The following SLA variants were observed in gnomAD, a reference collection of about 807,000 sequenced individuals.
SLA encodes Src like adaptor.
Under a neutral mutation model 30.3 loss-of-function variants are expected in SLA, and 16 were observed. That is an observed-to-expected ratio of 0.53 (90% CI 0.36 to 0.80). The LOEUF is 0.80. SLA is among the 30% of genes least tolerant of loss of function. The pLI is 0.01. For synonymous variants in SLA, 143 were observed against 137.8 expected (o/e 1.04, Z -0.26); for missense variants, 310 against 345.2 (o/e 0.90, Z 0.81).
chr8:133,072,144 C>G (rs1844152852), intron 2 of SLA, among the ~76,000 whole-genome samples: 1 of 152,182 alleles, frequency 6.6e-6, no homozygotes, highest in Non-Finnish European at 1.5e-5. Flanking sequence ...ATATACACAC[C>G]AAGTCCTCCA....
chr8:133,055,357 G>GCACA (rs1186779364), intron 3 of SLA, among the ~76,000 whole-genome samples: 2 of 59,896 alleles, frequency 3.3e-5, no homozygotes, highest in Admixed American at 1.6e-4. Context: ...ACACACACAC[G>GCACA]CACGCGCGCA....
intron 2 of SLA, chr8:133,073,021 C>T (rs2244718): frequency 0.81 from 123,056 of 152,220 alleles, 49,887 homozygotes; most frequent in African/African-American, 0.85. Flanking sequence ...AGAAATGATA[C>T]CAATAGCTCC....
chr8:133,062,018 C>T (rs532283936), intron 2 of SLA, among the ~76,000 whole-genome samples: 13 of 152,308 alleles, frequency 8.5e-5, no homozygotes, highest in Admixed American at 2.0e-4. Flanking sequence ...AGTAATATTC[C>T]GAAGACAATG....
chr8:133,094,791 G>T, intron 1 of SLA: 2 of 569,310 alleles, frequency 3.5e-6, no homozygotes, highest in Non-Finnish European at 3.2e-6. Flanking sequence ...AAGACTGAAG[G>T]TTCCCTTGTG....
chr8:133,045,517 C>T (rs1839197546), intron 6 of SLA, among the ~76,000 whole-genome samples: 1 of 151,602 alleles, frequency 6.6e-6, no homozygotes, highest in Admixed American at 6.6e-5. Context: ...ACCTCAGCCT[C>T]CAGAGTAGCT....
In SLA at chr8:133,075,167, G is replaced by A. The variant is rs573333621; in HGVS notation, c.-318-37C>T. The A allele has an allele frequency of 5.1e-5, 50 of 976,944 alleles. No individual in the cohort carries two copies. In the Middle Eastern group the frequency reaches 1.6e-3, roughly 31 times the overall value. 60.5% of individuals were successfully genotyped at this position (976,944 alleles called of 1,614,324 possible). On this transcript the variant is annotated intron_variant, in intron 1 of 8. Transcript: ENST00000338087. ...GATGGGTTATTAATTTTTTTACAAA[G>A]CATTTGAGAATATGGCCAGCTTAAC...
At chr8:133,099,639 C>T (rs1848954731) in intron 1 of SLA, among the ~76,000 whole-genome samples, 2 of 152,208 alleles carry the variant, frequency 1.3e-5, no homozygotes, top group African/African-American at 4.8e-5. Context: ...CCATCCCCAA[C>T]CAGCATGTTC....
intron 2 of SLA, among the ~76,000 whole-genome samples, chr8:133,065,396 G>T (rs949910959): frequency 3.9e-5 from 6 of 152,228 alleles, no homozygotes; most frequent in African/African-American, 1.4e-4. Flanking sequence ...CACCAGTGCT[G>T]CCCTGTTTTG....
chr8:133,080,077 T>C (rs1490531438), intron 1 of SLA, among the ~76,000 whole-genome samples: 2 of 152,074 alleles, frequency 1.3e-5, no homozygotes, highest in Non-Finnish European at 2.9e-5. Context: ...ACTGAAGGCA[T>C]GGGGACAGTA....
At chr8:133,087,071 TACACACACACACACACACACAC>T (rs56028043) in intron 1 of SLA, among the ~76,000 whole-genome samples, 46 of 143,128 alleles carry the variant, frequency 3.2e-4, no homozygotes, top group Middle Eastern at 3.6e-3. Context: ...AATATATGTT[TACACACACACACACACACACAC>T]ACACACACAC....
At chr8:133,074,329 T>A (rs527760040) in intron 2 of SLA, among the ~76,000 whole-genome samples, 1 of 152,152 alleles carries the variant, frequency 6.6e-6, no homozygotes. Flanking sequence ...CCTGGCTCCA[T>A]GCACCTTTAG....
intron 1 of SLA, among the ~76,000 whole-genome samples, chr8:133,086,199 G>T (rs1846536098): frequency 6.6e-6 from 1 of 152,204 alleles, no homozygotes; most frequent in Non-Finnish European, 1.5e-5. Flanking sequence ...GCGGCTGGGA[G>T]TGAGGGTGGA....
chr8:133,055,869 G>T (rs1249026112), intron 3 of SLA, among the ~76,000 whole-genome samples: 1 of 144,568 alleles, frequency 6.9e-6, no homozygotes, highest in African/African-American at 2.6e-5. Context: ...AGCAGCAGCA[G>T]CAGGGCGCAC....
intron 1 of SLA, among the ~76,000 whole-genome samples, chr8:133,077,994 G>A (rs1164595766): frequency 6.6e-6 from 1 of 152,188 alleles, no homozygotes; most frequent in Non-Finnish European, 1.5e-5. Flanking sequence ...CACGTGTGAA[G>A]GTTGTTCTTT....
At chr8:133,068,261 A>G (rs1008431152) in intron 2 of SLA, among the ~76,000 whole-genome samples, 2 of 152,200 alleles carry the variant, frequency 1.3e-5, no homozygotes, top group African/African-American at 4.8e-5. Context: ...CTATCTGTCA[A>G]CCAGGCTGCA....
intron 7 of SLA, among the ~76,000 whole-genome samples, chr8:133,044,220 G>T (rs561612168): frequency 6.6e-6 from 1 of 152,220 alleles, no homozygotes; most frequent in African/African-American, 2.4e-5. Context: ...TTTCTGTAGG[G>T]TAAAGTTCCG....
At position 133,036,985 on chromosome 8, in the gene SLA, C is replaced by G. The variant is rs769580608; in HGVS notation, c.*1539G>C. On this transcript the variant is annotated 3_prime_UTR_variant, in exon 9 of 9. Transcript: ENST00000338087. ...CGTTGGCTGGTTCCTTTGAAATAGC[C>G]TTTTGGAACGGTTGGGGAAACCACA... The G allele has an allele frequency of 6.6e-6, 1 of 152,264 alleles. No individual in the cohort carries two copies. Among genetic ancestry groups the G allele is most frequent in the African/African-American group, 2.4e-5 (1 of 41,452 alleles). The allele number at this position is 152,264 out of a possible 1,614,324, so 9.4% of individuals were successfully genotyped here. A position where few individuals can be genotyped will look rare whatever the true frequency, so the allele number is the denominator to read the frequency against.
intron 1 of SLA, among the ~76,000 whole-genome samples, chr8:133,089,632 G>A (rs1847181094): frequency 6.6e-6 from 1 of 152,144 alleles, no homozygotes; most frequent in African/African-American, 2.4e-5. Flanking sequence ...TCATTTAGAA[G>A]TCACTGGTCC....
chr8:133,067,865 A>AG lies in SLA; in HGVS notation c.-41+6987dup, dbSNP rs1430885502. ...GACAGAGAGAGAGAGAAAGAAAGAA[A>AG]GAAAGGAAGGAAGGAAGGAAGTATG... On this transcript the variant is annotated intron_variant, in intron 2 of 8. Coordinates refer to ENST00000338087, the MANE Select transcript of SLA (RefSeq NM_001045556.3). 1.5e-4 allele frequency among the ~76,000 whole-genome samples: 8 copies of AG among 53,630 alleles called. 1 individual carries two copies. Among genetic ancestry groups the AG allele is most frequent in the African/African-American group, 7.1e-4 (7 of 9,842 alleles). 35.2% of individuals were successfully genotyped at this position (53,630 alleles called of 152,430 possible).
Sources: gnomAD v4.1 joint callset for allele counts (sites outside exome capture counted in the v4.1 genomes callset) on GRCh38, gnomAD v4.1.1 for gene constraint, MANE v1.5 for transcripts, NCBI Gene and HGNC (gene_info 2026-07-23, HGNC 2026-07-21) for gene names.